SLC14A2: variants seen among roughly 807,000 people sequenced by gnomAD.
SLC14A2 encodes the protein urea transporter 2.
A neutral mutation model predicts 104.6 loss-of-function variants in SLC14A2; 91 were observed. The ratio of observed to expected loss-of-function variants is 0.87; its 90% confidence interval spans 0.73 to 1.04. The LOEUF is 1.04. Ranked by LOEUF, SLC14A2 falls within the 50% of genes least tolerant of loss-of-function variation. SLC14A2 has a pLI of 0.00. For missense variants in SLC14A2, 1,189 were observed against 1,156.0 expected, an observed-to-expected ratio of 1.03 and a Z score of -0.41; for synonymous variants, 476 against 466.4, an observed-to-expected ratio of 1.02 and a Z score of -0.27.
At chr18:45,193,788 AG>A in the SLC14A2 span, among the ~76,000 whole-genome samples, 1 of 152,182 alleles carries the variant, frequency 6.6e-6, no homozygotes, top group Non-Finnish European at 1.5e-5. Flanking sequence ...TATTGATTCT[AG>A]AGAGTAATCT....
the SLC14A2 span, among the ~76,000 whole-genome samples, chr18:45,206,539 T>G: frequency 2.6e-5 from 4 of 152,238 alleles, no homozygotes; most frequent in Non-Finnish European, 4.4e-5. Context: ...TTATTACATT[T>G]CATCCAGTTT....
At chr18:45,678,371 C>T (rs946211357) in intron 18 of SLC14A2, among the ~76,000 whole-genome samples, 1 of 152,114 alleles carries the variant, frequency 6.6e-6, no homozygotes, top group African/African-American at 2.4e-5. Context: ...TAATATAATC[C>T]TAAGGACAAT....
chr18:45,446,928 C>G (rs143531674), intron 1 of SLC14A2, among the ~76,000 whole-genome samples: 7 of 152,168 alleles, frequency 4.6e-5, no homozygotes, highest in Admixed American at 1.3e-4. Context: ...TCCCTCTCCC[C>G]CTCCCCACCC....
In SLC14A2 at chr18:45,666,925, T is replaced by A; in HGVS notation, c.1558-10T>A. 1 of 1,613,184 alleles carries A rather than the reference T, an allele frequency of 6.2e-7. No individual in the cohort carries two copies. On this transcript the variant is annotated splice_polypyrimidine_tract_variant and intron_variant, in intron 12 of 19. Transcript: ENST00000255226. Reference sequence around the variant, plus strand: ...TGTGGGAGACTCTTGCCTATCTCTGTCCTGGACAGGATCTGGACACCATGG... The same window carrying A: ...TGTGGGAGACTCTTGCCTATCTCTGACCTGGACAGGATCTGGACACCATGG...
At chr18:45,197,713 T>C in the SLC14A2 span, among the ~76,000 whole-genome samples, 2 of 152,198 alleles carry the variant, frequency 1.3e-5, no homozygotes, top group African/African-American at 4.8e-5. Flanking sequence ...GAGTGCGTCA[T>C]TTCCCCCTGA....
At position 45,235,889 on chromosome 18, in the gene SLC14A2, ATG is replaced by A. The variant is rs1278335379; in HGVS notation, c.-125+22704_-125+22705del. Among the ~76,000 whole-genome samples, 18 of 98,156 alleles carry A rather than the reference ATG, an allele frequency of 1.8e-4. 3 individuals carry two copies. Among genetic ancestry groups the A allele is most frequent in the African/African-American group, 5.2e-4 (13 of 25,236 alleles). 64.4% of individuals were successfully genotyped at this position (98,156 alleles called of 152,430 possible). A position where few individuals can be genotyped will look rare whatever the true frequency, so the allele number is the denominator to read the frequency against. ...TGTGTATATATGTATATATACATAT[ATG>A]TGTGTATGTATGTATATATACATAT... On this transcript the variant is annotated intron_variant, in intron 1 of 20. Transcript: ENST00000586448.
intron 1 of SLC14A2, among the ~76,000 whole-genome samples, chr18:45,282,176 T>A (rs963785948): frequency 6.6e-6 from 1 of 152,118 alleles, no homozygotes; most frequent in African/African-American, 2.4e-5. Flanking sequence ...GAGAAGGGTT[T>A]GAGAACTGGT....
At chr18:45,469,561 T>C (rs1291755450) in intron 1 of SLC14A2, among the ~76,000 whole-genome samples, 1 of 152,182 alleles carries the variant, frequency 6.6e-6, no homozygotes. Context: ...GGAGCAAAGG[T>C]ATCTCTCTTG....
intron 2 of SLC14A2, among the ~76,000 whole-genome samples, chr18:45,533,340 G>T (rs1373579870): frequency 1.3e-5 from 2 of 151,838 alleles, no homozygotes; most frequent in East Asian, 3.9e-4. Context: ...GACTTTTTTT[G>T]GTTGGTAAGC....
intron 1 of SLC14A2, among the ~76,000 whole-genome samples, chr18:45,241,451 T>G (rs1357680697): frequency 6.6e-6 from 1 of 152,052 alleles, no homozygotes; most frequent in African/African-American, 2.4e-5. Context: ...AAAGGCCCTT[T>G]GTAGATAAGA....
At chr18:45,374,530 T>C (rs749241249) in intron 1 of SLC14A2, among the ~76,000 whole-genome samples, 1 of 151,900 alleles carries the variant, frequency 6.6e-6, no homozygotes, top group African/African-American at 2.4e-5. Context: ...AACTGTTCAA[T>C]CCCTACTCCC....
chr18:45,188,456 A>T, the SLC14A2 span, among the ~76,000 whole-genome samples: 1 of 152,144 alleles, frequency 6.6e-6, no homozygotes, highest in Admixed American at 6.6e-5. Flanking sequence ...CCTACCTGCA[A>T]GACAAGGGTG....
chr18:45,372,316 C>CAACAATAAT, intron 1 of SLC14A2, among the ~76,000 whole-genome samples: 1 of 148,508 alleles, frequency 6.7e-6, no homozygotes, highest in African/African-American at 2.5e-5. Flanking sequence ...GTCTCAAAAA[C>CAACAATAAT]AATAATAATA....
intron 1 of SLC14A2, among the ~76,000 whole-genome samples, chr18:45,421,721 TCTC>T (rs1486404143): frequency 1.3e-5 from 2 of 152,090 alleles, no homozygotes; most frequent in African/African-American, 4.8e-5. Flanking sequence ...CCCACAATGC[TCTC>T]CTCACCAAGC....
intron 2 of SLC14A2, among the ~76,000 whole-genome samples, chr18:45,514,179 T>G (rs1346069609): frequency 1.3e-5 from 2 of 152,326 alleles, no homozygotes; most frequent in East Asian, 3.9e-4. Flanking sequence ...AAAAGAGGTT[T>G]AATCAGCTCA....
At chr18:45,466,534 A>G (rs1278009380) in intron 1 of SLC14A2, among the ~76,000 whole-genome samples, 1 of 148,424 alleles carries the variant, frequency 6.7e-6, no homozygotes, top group African/African-American at 2.5e-5. Flanking sequence ...AAAATGTGGG[A>G]TTGTGAAGTA....
At chr18:45,391,332 A>G (rs2085960526) in intron 1 of SLC14A2, among the ~76,000 whole-genome samples, 1 of 152,182 alleles carries the variant, frequency 6.6e-6, no homozygotes, top group African/African-American at 2.4e-5. Flanking sequence ...TCATTGTTGG[A>G]CATTTGGCTT....
intron 1 of SLC14A2, among the ~76,000 whole-genome samples, chr18:45,335,555 A>T (rs989970944): frequency 3.3e-5 from 5 of 152,234 alleles, no homozygotes; most frequent in African/African-American, 1.2e-4. Context: ...ATAAGAATAG[A>T]TGTCAATAAA....
chr18:45,346,686 G>C (rs1203875123), intron 1 of SLC14A2, among the ~76,000 whole-genome samples: 1 of 152,154 alleles, frequency 6.6e-6, no homozygotes, highest in African/African-American at 2.4e-5. Flanking sequence ...CTAGCACTTT[G>C]AGAGGCCAAG....
Sources: gnomAD v4.1 joint callset for allele counts (sites outside exome capture counted in the v4.1 genomes callset) on GRCh38, gnomAD v4.1.1 for gene constraint, MANE v1.5 for transcripts, NCBI Gene and HGNC (gene_info 2026-07-23, HGNC 2026-07-21) for gene names.